GNA14: variants seen among roughly 807,000 people sequenced by gnomAD.
GNA14 encodes the protein guanine nucleotide-binding protein subunit alpha-14.
Under a neutral mutation model 42.0 loss-of-function variants are expected in GNA14, and 50 were observed. The ratio of observed to expected loss-of-function variants is 1.19; its 90% confidence interval spans 0.95 to 1.51. The LOEUF (loss-of-function observed/expected upper bound fraction) is 1.51, where lower values mean the gene tolerates loss of function less well. GNA14 is among the 40% of genes most tolerant of loss of function. GNA14 has a pLI of 0.00. For missense variants in GNA14, 473 were observed against 446.2 expected (o/e 1.06, Z -0.54); for synonymous variants, 173 against 163.1 (o/e 1.06, Z -0.46).
intron 2 of GNA14, among the ~76,000 whole-genome samples, chr9:77,464,977 A>C (rs978549617): frequency 6.6e-6 from 1 of 152,222 alleles, no homozygotes; most frequent in African/African-American, 2.4e-5. Context: ...CATGGCCACA[A>C]GCCAGGAAAC....
intron 2 of GNA14, among the ~76,000 whole-genome samples, chr9:77,447,199 C>T (rs942997676): frequency 2.6e-5 from 4 of 152,334 alleles, no homozygotes; most frequent in Admixed American, 2.6e-4. Flanking sequence ...TGACCTCGTC[C>T]TCTCAAAGTG....
intron 2 of GNA14, among the ~76,000 whole-genome samples, chr9:77,505,179 G>C (rs760000927): frequency 6.6e-6 from 1 of 152,170 alleles, no homozygotes; most frequent in Non-Finnish European, 1.5e-5. Context: ...AGCCTAAGTA[G>C]AAACAGCCTG....
At chr9:77,635,735 T>C (rs572776460) in intron 1 of GNA14, among the ~76,000 whole-genome samples, 1 of 152,212 alleles carries the variant, frequency 6.6e-6, no homozygotes, top group Admixed American at 6.5e-5. Flanking sequence ...TCATAATCAA[T>C]GTTGCCTTAG....
chr9:77,488,784 T>TAAAA lies in GNA14; in HGVS notation c.309+40281_309+40284dup, dbSNP rs67416479. The stretch of plus-strand genomic sequence containing the variant: ...GACTCTTTAAGCAAACACACCTAAT[T>TAAAA]AAAAAAAAAAAAAAAAAAAAAAAAA... On this transcript the variant is annotated intron_variant, in intron 2 of 6. Coordinates refer to ENST00000341700, the MANE Select transcript of GNA14 (RefSeq NM_004297.4). Among the ~76,000 whole-genome samples, 144 of 53,642 alleles carry TAAAA rather than the reference T, an allele frequency of 2.7e-3. 1 individual carries two copies. The highest frequency in any genetic ancestry group is 4.5e-3 in the African/African-American group (52 of 11,590). The allele number at this position is 53,642 out of a possible 152,430, so 35.2% of individuals were successfully genotyped here.
At chr9:77,491,340 A>G (rs1238914970) in intron 2 of GNA14, among the ~76,000 whole-genome samples, 1 of 152,240 alleles carries the variant, frequency 6.6e-6, no homozygotes, top group Non-Finnish European at 1.5e-5. Flanking sequence ...TAAATTGACT[A>G]AGTTCTCCAA....
intron 1 of GNA14, among the ~76,000 whole-genome samples, chr9:77,574,639 C>A (rs1255947504): frequency 6.6e-6 from 1 of 152,140 alleles, no homozygotes; most frequent in Non-Finnish European, 1.5e-5. Flanking sequence ...AATATTTGTT[C>A]ATCTTTGAGA....
chr9:77,634,432 AAAGG>A (rs1209508282), intron 1 of GNA14, among the ~76,000 whole-genome samples: 72 of 150,992 alleles, frequency 4.8e-4, no homozygotes, highest in Middle Eastern at 3.4e-3. Context: ...AAAAAAAAAA[AAAGG>A]AAGGAAGGAA....
intron 1 of GNA14, among the ~76,000 whole-genome samples, chr9:77,539,603 T>C (rs904557946): frequency 1.2e-4 from 18 of 152,178 alleles, no homozygotes; most frequent in African/African-American, 3.9e-4. Context: ...TCATTATACA[T>C]TTGGTAGAGT....
Position 77,647,749 on chromosome 9 carries a change from C to G in GNA14, c.45G>C (p.Gln15His), listed in dbSNP as rs1444309810. ...CCLSAEEKESQRISAEIERQL... is the reference protein window; with the variant it reads ...CCLSAEEKESHRISAEIERQL... ...GTCGCTCGATCTCCGCGCTGATGCG[C>G]TGCGACTCCTTCTCCTCCGCGGACA... The change falls in exon 1 of 7, where the codon CAG becomes CAC. Residue 15 changes from glutamine to histidine, a missense_variant. Transcript: ENST00000341700. 1 of 1,609,972 alleles carries G rather than the reference C, an allele frequency of 6.2e-7. No homozygotes were observed. The highest frequency in any genetic ancestry group is 8.5e-7 in the Non-Finnish European group (1 of 1,178,680).
At chr9:77,474,501 C>T (rs1356819002) in intron 2 of GNA14, among the ~76,000 whole-genome samples, 2 of 152,154 alleles carry the variant, frequency 1.3e-5, no homozygotes, top group Non-Finnish European at 2.9e-5. Context: ...TAGACAATAA[C>T]AAGCACTGGT....
intron 1 of GNA14, among the ~76,000 whole-genome samples, chr9:77,647,462 G>GT (rs1224013096): frequency 6.6e-6 from 1 of 152,156 alleles, no homozygotes; most frequent in Non-Finnish European, 1.5e-5. Flanking sequence ...AGGGGAAGGT[G>GT]TTGCTTTTGC....
chr9:77,437,964 T>C (rs1410890787), intron 2 of GNA14, among the ~76,000 whole-genome samples: 3 of 152,132 alleles, frequency 2.0e-5, no homozygotes, highest in Non-Finnish European at 4.4e-5. Context: ...TTGGCTCTTT[T>C]AGTAGAGAGA....
rs537444460 is a variant in GNA14 at position 77,546,672 on chromosome 9, A to G, written c.125-17419T>C. On this transcript the variant is annotated intron_variant, in intron 1 of 6. Coordinates refer to ENST00000341700, the MANE Select transcript of GNA14 (RefSeq NM_004297.4). ...ACTAAGACCAAAACATTTGGGTGAG[A>G]ATTTTTCAATGTATCTCTTACTGGT... 3.3e-5 allele frequency among the ~76,000 whole-genome samples: 5 copies of G among 152,296 alleles called. No homozygotes were observed. In the East Asian group the frequency reaches 9.7e-4, roughly 29 times the overall value.
intron 1 of GNA14, among the ~76,000 whole-genome samples, chr9:77,590,001 C>T (rs1004357126): frequency 1.3e-5 from 2 of 152,144 alleles, no homozygotes; most frequent in Non-Finnish European, 2.9e-5. Flanking sequence ...ACTGCAACCT[C>T]GGCCTCCCAG....
At chr9:77,562,869 C>A (rs1000711961) in intron 1 of GNA14, among the ~76,000 whole-genome samples, 2 of 152,168 alleles carry the variant, frequency 1.3e-5, no homozygotes, top group African/African-American at 4.8e-5. Flanking sequence ...TCCAAGCCAA[C>A]TCACTGTAAG....
At chr9:77,484,370 C>T (rs1259161056) in intron 2 of GNA14, among the ~76,000 whole-genome samples, 4 of 150,980 alleles carry the variant, frequency 2.6e-5, no homozygotes, top group Non-Finnish European at 4.4e-5. Flanking sequence ...AAAACGTGTT[C>T]AAAAAGAGAA....
At chr9:77,503,832 A>G (rs1009158194) in intron 2 of GNA14, among the ~76,000 whole-genome samples, 2 of 151,832 alleles carry the variant, frequency 1.3e-5, no homozygotes, top group African/African-American at 4.8e-5. Context: ...TATTTTCACT[A>G]GAAACGGGGT....
At chr9:77,545,600 TG>T (rs951104366) in intron 1 of GNA14, among the ~76,000 whole-genome samples, 12 of 152,170 alleles carry the variant, frequency 7.9e-5, no homozygotes, top group Non-Finnish European at 1.8e-4. Flanking sequence ...AGCAGGATAT[TG>T]GAAACATAAC....
At chr9:77,458,366 T>G (rs934217820) in intron 2 of GNA14, among the ~76,000 whole-genome samples, 2 of 152,136 alleles carry the variant, frequency 1.3e-5, no homozygotes, top group Non-Finnish European at 2.9e-5. Context: ...ATGTTCTGTC[T>G]GGGTAGCAGT....
Sources: allele counts gnomAD v4.1 joint callset (sites outside exome capture counted in the v4.1 genomes callset), GRCh38; gene constraint gnomAD v4.1.1; transcripts MANE v1.5; gene names NCBI Gene and HGNC (gene_info 2026-07-23, HGNC 2026-07-21).